FOCAD: variants seen among roughly 807,000 people sequenced by gnomAD.
FOCAD encodes KIAA1797.
Under a neutral mutation model 225.6 loss-of-function variants are expected in FOCAD, and 198 were observed. The ratio of observed to expected loss-of-function variants is 0.88; its 90% CI spans 0.78 to 0.99. The LOEUF (loss-of-function observed/expected upper bound fraction) is 0.99. Ranked by LOEUF, FOCAD falls within the 50% of genes least tolerant of loss-of-function variation. FOCAD has a pLI of 0.00. For synonymous variants in FOCAD, 897 were observed against 755.0 expected, an observed-to-expected ratio of 1.19 and a Z score of -3.08; for missense variants, 2,713 against 2,123.6, an observed-to-expected ratio of 1.28 and a Z score of -5.46.
At chr9:20,903,338 G>T (rs984117504) in intron 21 of FOCAD, among the ~76,000 whole-genome samples, 1 of 151,940 alleles carries the variant, frequency 6.6e-6, no homozygotes, top group Non-Finnish European at 1.5e-5. Flanking sequence ...TCATTCTACT[G>T]TGTTACTGAT....
chr9:20,742,867 C>G (rs1586989985), intron 5 of FOCAD, among the ~76,000 whole-genome samples: 1 of 152,136 alleles, frequency 6.6e-6, no homozygotes, highest in African/African-American at 2.4e-5. Flanking sequence ...ATAGGCTTGT[C>G]TTTAGATACG....
At chr9:20,892,832 A>G (rs1363490745) in intron 21 of FOCAD, among the ~76,000 whole-genome samples, 1 of 152,178 alleles carries the variant, frequency 6.6e-6, no homozygotes, top group Non-Finnish European at 1.5e-5. Context: ...TTGTGAAAGG[A>G]AACATTAAGC....
At chr9:20,882,146 G>A in intron 20 of FOCAD, 90 bp downstream of exon 20, 1 of 1,129,326 alleles carries the variant, frequency 8.9e-7, no homozygotes, top group South Asian at 1.6e-5. Flanking sequence ...GCCATGGCAG[G>A]GTGTTGCTGC....
intron 11 of FOCAD, among the ~76,000 whole-genome samples, chr9:20,810,542 A>T (rs144707587): frequency 1.3e-5 from 2 of 152,274 alleles, no homozygotes; most frequent in East Asian, 3.9e-4. Context: ...AATTCTATGG[A>T]TACAGGAATT....
rs1375373397 is a variant in FOCAD at position 20,674,170 on chromosome 9, ATATCT to A, written c.-78+15348_-78+15352del. Among the ~76,000 whole-genome samples, 3 of 152,328 alleles carry A rather than the reference ATATCT, an allele frequency of 2.0e-5. No individual in the cohort carries two copies. The East Asian group carries it at 5.8e-4, about 29-fold the overall frequency. ...GCAAATTATATCAACTTACAATTAA[ATATCT>A]TATATTAGTATTAGAAATAAATATA... is the stretch of plus-strand genomic sequence containing the variant. On this transcript the variant is annotated intron_variant, in intron 2 of 45. Transcript: ENST00000380249.
chr9:20,665,800 A>G (rs1172124123), intron 2 of FOCAD, among the ~76,000 whole-genome samples: 2 of 151,958 alleles, frequency 1.3e-5, no homozygotes, highest in Non-Finnish European at 2.9e-5. Flanking sequence ...GGAGGGCAAG[A>G]CAGGCGGATT....
intron 7 of FOCAD, among the ~76,000 whole-genome samples, chr9:20,766,431 A>C (rs1035134982): frequency 6.6e-6 from 1 of 152,226 alleles, no homozygotes. Context: ...CTGAAACATG[A>C]CTATCTCATG....
intron 35 of FOCAD, among the ~76,000 whole-genome samples, chr9:20,958,395 A>G (rs944497845): frequency 6.7e-6 from 1 of 148,156 alleles, no homozygotes; most frequent in South Asian, 2.1e-4. Context: ...TAAATTTGAA[A>G]TTTTTAAAAA....
chr9:20,812,801 T>C (rs1398796285), intron 11 of FOCAD, among the ~76,000 whole-genome samples: 3 of 152,092 alleles, frequency 2.0e-5, no homozygotes, highest in Non-Finnish European at 4.4e-5. Context: ...TAAAATAAAG[T>C]TGTTAAGCTA....
At chr9:20,986,266 A>ATTTTTTTTTTTTTTTTTGTTTTTTTTT in intron 39 of FOCAD, 22 bp from the exon 40 acceptor site, 1 of 705,686 alleles carries the variant, frequency 1.4e-6, no homozygotes, top group Non-Finnish European at 1.8e-6. Flanking sequence ...TAACTAAACA[A>ATTTTTTTTTTTTTTTTTGTTTTTTTTT]TTTTTTTTTT....
At chr9:20,894,048 C>G (rs1410584217) in intron 21 of FOCAD, among the ~76,000 whole-genome samples, 2 of 152,128 alleles carry the variant, frequency 1.3e-5, no homozygotes, top group Non-Finnish European at 2.9e-5. Context: ...TTCCTTCTCT[C>G]TAACTCCGTG....
intron 19 of FOCAD, among the ~76,000 whole-genome samples, chr9:20,878,276 T>C (rs1384029655): frequency 2.0e-5 from 3 of 152,196 alleles, no homozygotes; most frequent in Non-Finnish European, 4.4e-5. Flanking sequence ...GATTAAATAA[T>C]TTGGCAGGGG....
At chr9:20,770,460 TGA>T (rs1208511608) in intron 8 of FOCAD, among the ~76,000 whole-genome samples, 7 of 150,210 alleles carry the variant, frequency 4.7e-5, no homozygotes, top group Non-Finnish European at 8.9e-5. Context: ...GGTGTAGGAG[TGA>T]GAGAGAGGAG....
intron 15 of FOCAD, among the ~76,000 whole-genome samples, chr9:20,855,263 C>T (rs998602701): frequency 5.3e-5 from 8 of 151,344 alleles, no homozygotes; most frequent in Admixed American, 1.3e-4. Flanking sequence ...TATTCCTTTT[C>T]CTTATTTTTC....
chr9:20,778,995 C>G (rs747291134), intron 9 of FOCAD, among the ~76,000 whole-genome samples: 1 of 152,110 alleles, frequency 6.6e-6, no homozygotes, highest in Non-Finnish European at 1.5e-5. Flanking sequence ...AGGTTATAAT[C>G]TAACCTTATA....
intron 13 of FOCAD, 24 bp downstream of exon 13, chr9:20,820,449 T>A: frequency 3.8e-6 from 6 of 1,574,144 alleles, no homozygotes; most frequent in Non-Finnish European, 5.2e-6. Context: ...TACACTTGCA[T>A]GAGTATTAAA....
chr9:20,852,643 T>A (rs1827782111), intron 15 of FOCAD, among the ~76,000 whole-genome samples: 1 of 151,840 alleles, frequency 6.6e-6, no homozygotes, highest in Non-Finnish European at 1.5e-5. Context: ...TTAAAGTTTT[T>A]CTCTAAAGTG....
At chr9:20,808,823 CT>C (rs1822742651) in intron 11 of FOCAD, among the ~76,000 whole-genome samples, 1 of 152,162 alleles carries the variant, frequency 6.6e-6, no homozygotes, top group Non-Finnish European at 1.5e-5. Context: ...GTTCTATGTC[CT>C]TTGGACATTT....
intron 11 of FOCAD, among the ~76,000 whole-genome samples, chr9:20,798,182 T>C (rs1203240137): frequency 6.6e-6 from 1 of 152,228 alleles, no homozygotes; most frequent in Non-Finnish European, 1.5e-5. Context: ...CAGCCTTGCA[T>C]CCTAGGGATG....
Sources: gnomAD v4.1 joint callset for allele counts (sites outside exome capture counted in the v4.1 genomes callset) on GRCh38, gnomAD v4.1.1 for gene constraint, MANE v1.5 for transcripts, NCBI Gene and HGNC (gene_info 2026-07-23, HGNC 2026-07-21) for gene names.